The following CSMD1 variants were observed in gnomAD, a reference collection of about 807,000 sequenced individuals.
The protein encoded by CSMD1 is CUB and sushi domain-containing protein 1.
A neutral mutation model predicts 417.5 loss-of-function variants in CSMD1; 213 were observed. That is an observed-to-expected ratio of 0.51 (90% CI 0.46 to 0.57). The LOEUF (loss-of-function observed/expected upper bound fraction) is 0.57, where lower values mean the gene tolerates loss of function less well. CSMD1 is among the 20% of genes least tolerant of loss of function. The pLI is 0.00. For synonymous variants in CSMD1, 2,862 were observed against 1,736.8 expected, an observed-to-expected ratio of 1.65 and a Z score of -16.11; for missense variants, 6,923 against 4,529.7, an observed-to-expected ratio of 1.53 and a Z score of -15.17.
At chr8:4,546,336 G>A (rs1227099008) in intron 2 of CSMD1, among the ~76,000 whole-genome samples, 1 of 152,044 alleles carries the variant, frequency 6.6e-6, no homozygotes, top group East Asian at 1.9e-4. Context: ...ACTTCACTGG[G>A]GTAAGGGTTG....
At chr8:4,025,548 T>C (rs994975999) in intron 4 of CSMD1, among the ~76,000 whole-genome samples, 3 of 152,204 alleles carry the variant, frequency 2.0e-5, no homozygotes, top group Non-Finnish European at 2.9e-5. Flanking sequence ...TTTTTTCATA[T>C]TTCTCCCCTA....
At chr8:4,835,602 T>A (rs1489817101) in intron 1 of CSMD1, among the ~76,000 whole-genome samples, 1 of 152,176 alleles carries the variant, frequency 6.6e-6, no homozygotes, top group Non-Finnish European at 1.5e-5. Context: ...TTTATCTACA[T>A]TTTGCATATG....
At chr8:4,604,976 C>T (rs190138321) in intron 2 of CSMD1, among the ~76,000 whole-genome samples, 7 of 152,310 alleles carry the variant, frequency 4.6e-5, no homozygotes, top group East Asian at 1.9e-4. Flanking sequence ...ATGCCAGATA[C>T]GAGTAAGGCT....
intron 39 of CSMD1, among the ~76,000 whole-genome samples, chr8:3,153,260 T>C (rs923713181): frequency 1.3e-5 from 2 of 152,182 alleles, no homozygotes; most frequent in Non-Finnish European, 2.9e-5. Flanking sequence ...CTCTATGGTC[T>C]AAAAAGGGGA....
At chr8:4,416,564 T>C (rs1228248546) in intron 3 of CSMD1, among the ~76,000 whole-genome samples, 2 of 152,082 alleles carry the variant, frequency 1.3e-5, no homozygotes, top group African/African-American at 4.8e-5. Flanking sequence ...AACATTTAGC[T>C]TACGTTTTTA....
chr8:3,277,377 G>A (rs991121282), intron 26 of CSMD1, among the ~76,000 whole-genome samples: 2 of 152,172 alleles, frequency 1.3e-5, no homozygotes, highest in Admixed American at 6.5e-5. Flanking sequence ...GCAGGTGCAT[G>A]AAGAAGGAAG....
intron 1 of CSMD1, among the ~76,000 whole-genome samples, chr8:4,751,960 G>A (rs540921550): frequency 2.0e-5 from 3 of 151,944 alleles, no homozygotes; most frequent in African/African-American, 4.8e-5. Flanking sequence ...GAAGTGCAAA[G>A]AATATATACA....
chr8:4,247,907 G>C (rs1357704880), intron 3 of CSMD1, among the ~76,000 whole-genome samples: 2 of 152,198 alleles, frequency 1.3e-5, no homozygotes, highest in East Asian at 1.9e-4. Context: ...TTTTCACCCA[G>C]ATATTAATGT....
intron 3 of CSMD1, among the ~76,000 whole-genome samples, chr8:4,409,189 T>C (rs565255010): frequency 4.6e-5 from 7 of 152,198 alleles, no homozygotes; most frequent in East Asian, 1.9e-4. Flanking sequence ...TTTTAAAAAA[T>C]TATCTACAAA....
At chr8:4,534,241 C>T (rs867868797) in intron 2 of CSMD1, among the ~76,000 whole-genome samples, 1 of 152,138 alleles carries the variant, frequency 6.6e-6, no homozygotes, top group Non-Finnish European at 1.5e-5. Flanking sequence ...TCTGCGTGGG[C>T]CTGGCCCCAA....
intron 3 of CSMD1, among the ~76,000 whole-genome samples, chr8:4,248,349 C>T (rs191852956): frequency 2.6e-5 from 4 of 152,258 alleles, no homozygotes; most frequent in South Asian, 2.1e-4. Flanking sequence ...GCCAAACACG[C>T]TTTTACCATC....
At chr8:4,166,851 T>G (rs1015517978) in intron 3 of CSMD1, among the ~76,000 whole-genome samples, 2 of 152,206 alleles carry the variant, frequency 1.3e-5, no homozygotes, top group African/African-American at 4.8e-5. Flanking sequence ...TTTAAATTTG[T>G]TTCAATGAAC....
At chr8:4,031,207 G>A (rs539757671) in intron 4 of CSMD1, among the ~76,000 whole-genome samples, 1 of 152,102 alleles carries the variant, frequency 6.6e-6, no homozygotes, top group African/African-American at 2.4e-5. Context: ...CCCACTCCTG[G>A]TACCAATCTA....
intron 2 of CSMD1, among the ~76,000 whole-genome samples, chr8:4,633,592 T>C (rs112972834): frequency 0.091 from 13,782 of 151,848 alleles, 692 homozygotes; most frequent in Non-Finnish European, 0.11. Flanking sequence ...AGTCTACCTC[T>C]GTCACCCAGG....
intron 3 of CSMD1, among the ~76,000 whole-genome samples, chr8:4,190,857 C>G (rs1798983840): frequency 6.6e-6 from 1 of 151,056 alleles, no homozygotes; most frequent in East Asian, 2.0e-4. Context: ...AACAGAAAAC[C>G]AAATACCACA....
At chr8:3,385,889 T>G (rs968991563) in intron 18 of CSMD1, among the ~76,000 whole-genome samples, 6 of 152,056 alleles carry the variant, frequency 3.9e-5, no homozygotes, top group Non-Finnish European at 7.4e-5. Flanking sequence ...ATAGTCCATG[T>G]TGCAGATTCA....
chr8:3,587,615 C>T (rs1800661645), intron 8 of CSMD1, among the ~76,000 whole-genome samples: 1 of 152,088 alleles, frequency 6.6e-6, no homozygotes, highest in African/African-American at 2.4e-5. Context: ...CCCACGGCAT[C>T]TATGTAACAC....
chr8:3,586,612 G>C (rs917676696), intron 8 of CSMD1, among the ~76,000 whole-genome samples: 6 of 152,126 alleles, frequency 3.9e-5, no homozygotes, highest in Admixed American at 3.9e-4. Context: ...CTGAAAACAA[G>C]AGGAAGTTGG....
At chr8:4,394,693 C>T (rs141495089) in intron 3 of CSMD1, among the ~76,000 whole-genome samples, 2 of 152,278 alleles carry the variant, frequency 1.3e-5, no homozygotes, top group Admixed American at 6.5e-5. Flanking sequence ...GTCTTGCTGG[C>T]CCTGACTGGC....
Sources: gnomAD v4.1 joint callset for allele counts (sites outside exome capture counted in the v4.1 genomes callset) on GRCh38, gnomAD v4.1.1 for gene constraint, MANE v1.5 for transcripts, NCBI Gene and HGNC (gene_info 2026-07-23, HGNC 2026-07-21) for gene names.